Variants in CWC27 observed in about 807,000 individuals in gnomAD.
The protein encoded by CWC27 is CWC27 spliceosome associated cyclophilin, also known as spliceosome-associated protein CWC27 homolog.
Under a neutral mutation model 63.6 loss-of-function variants are expected in CWC27, and 47 were observed. The ratio of observed to expected loss-of-function variants is 0.74; its 90% CI spans 0.58 to 0.94. The LOEUF (loss-of-function observed/expected upper bound fraction) is 0.94. Ranked by LOEUF, CWC27 falls within the 40% of genes least tolerant of loss-of-function variation. The pLI is 0.00. For synonymous variants in CWC27, 175 were observed against 179.8 expected (o/e 0.97, Z 0.22); for missense variants, 495 against 554.3 (o/e 0.89, Z 1.07).
At chr5:64,994,667 A>G (rs1203369218) in intron 13 of CWC27, among the ~76,000 whole-genome samples, 1 of 151,948 alleles carries the variant, frequency 6.6e-6, no homozygotes, top group East Asian at 1.9e-4. Context: ...CCTCCCCACA[A>G]CCACTTTCTG....
chr5:64,941,236 A>G (rs1748472926), intron 11 of CWC27, among the ~76,000 whole-genome samples: 1 of 152,144 alleles, frequency 6.6e-6, no homozygotes, highest in Non-Finnish European at 1.5e-5. Context: ...TTAAGAGGAA[A>G]ATCATATTTA....
At chr5:64,791,802 G>T (rs957513223) in intron 7 of CWC27, among the ~76,000 whole-genome samples, 1 of 151,980 alleles carries the variant, frequency 6.6e-6, no homozygotes, top group African/African-American at 2.4e-5. Context: ...TTGTGACTTT[G>T]TATTCCCTAG....
intron 11 of CWC27, among the ~76,000 whole-genome samples, chr5:64,896,414 A>G (rs1053587190): frequency 1.3e-5 from 2 of 152,208 alleles, no homozygotes; most frequent in Non-Finnish European, 2.9e-5. Context: ...TGAAGGAATA[A>G]AACAATGATA....
chr5:64,775,300 C>T (rs1743402231), intron 2 of CWC27, among the ~76,000 whole-genome samples: 1 of 152,142 alleles, frequency 6.6e-6, no homozygotes, highest in African/African-American at 2.4e-5. Context: ...GTCTGCCTTT[C>T]ACCTGTATGA....
chr5:64,836,483 C>T (rs1442897200), intron 10 of CWC27, among the ~76,000 whole-genome samples: 2 of 152,112 alleles, frequency 1.3e-5, no homozygotes, highest in Non-Finnish European at 2.9e-5. Context: ...CTTGGAACTG[C>T]ATGGAGATTT....
chr5:64,860,495 A>G (rs1746371196), intron 10 of CWC27, among the ~76,000 whole-genome samples: 1 of 152,164 alleles, frequency 6.6e-6, no homozygotes, highest in African/African-American at 2.4e-5. Flanking sequence ...CTGAAATGCC[A>G]GGTCAGACTC....
intron 11 of CWC27, among the ~76,000 whole-genome samples, chr5:64,912,073 CAA>C (rs1253684440): frequency 9.6e-5 from 8 of 83,446 alleles, no homozygotes; most frequent in Non-Finnish European, 1.1e-4. Context: ...GACTCTGTCT[CAA>C]AAAAAAAAAA....
intron 13 of CWC27, among the ~76,000 whole-genome samples, chr5:64,988,792 C>T (rs1388149886): frequency 4.6e-5 from 7 of 151,946 alleles, no homozygotes; most frequent in Non-Finnish European, 7.4e-5. Flanking sequence ...TTAGTAGAGA[C>T]GGGGTTTCTC....
intron 12 of CWC27, 34 bp downstream of exon 12, chr5:64,971,846 AT>A (rs749461673): frequency 2.2e-6 from 3 of 1,393,406 alleles, no homozygotes; most frequent in Non-Finnish European, 2.0e-6. Flanking sequence ...TACAGAACTT[AT>A]TGTCTTTTTA....
intron 11 of CWC27, among the ~76,000 whole-genome samples, chr5:64,889,886 A>G (rs529923332): frequency 6.6e-6 from 1 of 152,240 alleles, no homozygotes; most frequent in Admixed American, 6.5e-5. Context: ...GAGGATAATA[A>G]ATTTTGAATA....
At chr5:64,925,549 G>A (rs1748088292) in intron 11 of CWC27, among the ~76,000 whole-genome samples, 1 of 152,090 alleles carries the variant, frequency 6.6e-6, no homozygotes, top group South Asian at 2.1e-4. Context: ...TACTATAGCT[G>A]GGAAATTAAA....
At position 64,785,097 on chromosome 5, in the gene CWC27, TA is replaced by T. The variant is rs1743835313; in HGVS notation, c.397-381del. Among the ~76,000 whole-genome samples, 6 of 152,362 alleles carry T rather than the reference TA, an allele frequency of 3.9e-5. No homozygotes were observed. In the South Asian group the frequency reaches 1.0e-3, roughly 26 times the overall value. On this transcript the variant is annotated intron_variant, in intron 4 of 13. Transcript: ENST00000381070. Reference sequence around the variant, plus strand: ...CTACTTTTAGGTTGTTTGTGAGGATTAAATGAGATAATGTCTCTAAAGCATT... The same window carrying T: ...CTACTTTTAGGTTGTTTGTGAGGATTAATGAGATAATGTCTCTAAAGCATT...
chr5:64,796,690 T>C (rs1252699717), intron 7 of CWC27, among the ~76,000 whole-genome samples: 1 of 152,042 alleles, frequency 6.6e-6, no homozygotes, highest in Non-Finnish European at 1.5e-5. Context: ...GAGTTAGAGA[T>C]TGAGCCCCAG....
At chr5:64,808,194 A>C in intron 10 of CWC27, 1 of 1,006,598 alleles carries the variant, frequency 9.9e-7, no homozygotes, top group Non-Finnish European at 1.2e-6. Context: ...CTGCATTCTA[A>C]CAAGATCCCC....
At chr5:64,789,365 A>G (rs1469919547) in intron 7 of CWC27, among the ~76,000 whole-genome samples, 1 of 152,086 alleles carries the variant, frequency 6.6e-6, no homozygotes, top group Non-Finnish European at 1.5e-5. Context: ...GTCACAGACC[A>G]AAACTCTTAT....
At chr5:64,984,165 G>A (rs758785361) in intron 13 of CWC27, among the ~76,000 whole-genome samples, 3 of 152,064 alleles carry the variant, frequency 2.0e-5, no homozygotes, top group African/African-American at 4.8e-5. Context: ...TTTGTGCCTA[G>A]CCTCTTCAAT....
chr5:64,945,310 T>C (rs1036919770), intron 11 of CWC27, among the ~76,000 whole-genome samples: 3 of 152,180 alleles, frequency 2.0e-5, no homozygotes, highest in Non-Finnish European at 4.4e-5. Context: ...AAAATTTTTG[T>C]CCGTTTTCTT....
At chr5:64,938,451 G>A (rs967359523) in intron 11 of CWC27, among the ~76,000 whole-genome samples, 1 of 152,174 alleles carries the variant, frequency 6.6e-6, no homozygotes, top group African/African-American at 2.4e-5. Context: ...CTTCTGGCTT[G>A]TAGGGTTTCT....
At chr5:64,831,803 CA>C (rs887119405) in intron 10 of CWC27, among the ~76,000 whole-genome samples, 3 of 151,136 alleles carry the variant, frequency 2.0e-5, no homozygotes. Flanking sequence ...ACCATTTTGC[CA>C]AAAAAAATTG....
Sources: allele counts gnomAD v4.1 joint callset (sites outside exome capture counted in the v4.1 genomes callset), GRCh38; gene constraint gnomAD v4.1.1; transcripts MANE v1.5; gene names NCBI Gene and HGNC (gene_info 2026-07-23, HGNC 2026-07-21).